The following SLC22A16 variants were observed in gnomAD, a reference collection of about 807,000 sequenced individuals.
SLC22A16 encodes the protein WUGSC:RG331P03.1.
Under a neutral mutation model 52.9 loss-of-function variants are expected in SLC22A16, and 53 were observed. That is an observed-to-expected ratio of 1.00 (90% CI 0.80 to 1.26). The LOEUF (loss-of-function observed/expected upper bound fraction) is 1.26. Among genes scored for constraint, SLC22A16 ranks in the 50% most tolerant of loss-of-function variants. The pLI is 0.00. For synonymous variants in SLC22A16, 291 were observed against 268.8 expected (o/e 1.08, Z -0.81); for missense variants, 726 against 704.0 (o/e 1.03, Z -0.35).
At chr6:110,470,523 G>A (rs74891162) in intron 1 of SLC22A16, among the ~76,000 whole-genome samples, 2,747 of 152,110 alleles carry the variant, frequency 0.018, 86 homozygotes, top group African/African-American at 0.063. Context: ...CACCATTCAG[G>A]CGTCCAGTCT....
intron 2 of SLC22A16, among the ~76,000 whole-genome samples, chr6:110,453,442 A>T (rs1775460203): frequency 6.6e-6 from 1 of 152,186 alleles, no homozygotes; most frequent in Non-Finnish European, 1.5e-5. Flanking sequence ...TTTTACTCTA[A>T]GTTAATATGT....
At chr6:110,462,249 C>T (rs987112328) in intron 1 of SLC22A16, among the ~76,000 whole-genome samples, 2 of 152,178 alleles carry the variant, frequency 1.3e-5, no homozygotes, top group African/African-American at 4.8e-5. Context: ...CTATATCAAG[C>T]TCCTTCAGAT....
chr6:110,434,367 G>A (rs181541637), intron 6 of SLC22A16, among the ~76,000 whole-genome samples: 4 of 152,260 alleles, frequency 2.6e-5, no homozygotes, highest in Admixed American at 2.6e-4. Flanking sequence ...ATCTGGACAT[G>A]AGGGCTGCAA....
chr6:110,440,869 TC>T (rs1774938002), intron 4 of SLC22A16, among the ~76,000 whole-genome samples: 1 of 152,240 alleles, frequency 6.6e-6, no homozygotes, highest in Non-Finnish European at 1.5e-5. Context: ...TGTACTAACT[TC>T]TTAGAACGTG....
rs1232694514 is a variant in SLC22A16, at chr6:110,465,784, T to C, written c.54-8767A>G. Among the ~76,000 whole-genome samples the C allele has an allele frequency of 2.6e-5, 4 of 152,120 alleles. No individual in the cohort carries two copies. In the East Asian group the frequency reaches 7.7e-4, roughly 29 times the overall value. On this transcript the variant is annotated intron_variant, in intron 1 of 7. Transcript: ENST00000368919. ...TATTTTTCACAGAATTAGAAAAAACTATTCTAAAATTCACATGGAACCACA... is the reference window on the plus strand; with the variant it reads ...TATTTTTCACAGAATTAGAAAAAACCATTCTAAAATTCACATGGAACCACA...
chr6:110,431,054 A>C, intron 7 of SLC22A16, 117 bp downstream of exon 7: 1 of 853,226 alleles, frequency 1.2e-6, no homozygotes, highest in Non-Finnish European at 1.9e-6. Context: ...TGTTTCTACA[A>C]ACCCCATTAG....
chr6:110,447,049 T>A, intron 2 of SLC22A16, 59 bp from the exon 3 acceptor site: 4 of 1,328,156 alleles, frequency 3.0e-6, no homozygotes, highest in Non-Finnish European at 3.2e-6. Context: ...AGTTTAAACA[T>A]CCACTCCAAT....
chr6:110,474,833 A>T (rs781725192), intron 1 of SLC22A16: 1 of 477,084 alleles, frequency 2.1e-6, no homozygotes, highest in Non-Finnish European at 4.2e-6. Context: ...CATTTGAGGA[A>T]TCTGTTTGAT....
intron 1 of SLC22A16, among the ~76,000 whole-genome samples, chr6:110,468,979 G>C (rs931333216): frequency 6.6e-6 from 1 of 152,188 alleles, no homozygotes; most frequent in Admixed American, 6.5e-5. Context: ...TTGGGAAGCA[G>C]GCTTGTCCAT....
At chr6:110,443,717 A>T (rs964828423) in intron 3 of SLC22A16, among the ~76,000 whole-genome samples, 1 of 152,198 alleles carries the variant, frequency 6.6e-6, no homozygotes, top group Middle Eastern at 3.2e-3. Context: ...TCTGGAAGAG[A>T]TGTTTGCACA....
intron 1 of SLC22A16, among the ~76,000 whole-genome samples, chr6:110,461,333 G>T (rs149927681): frequency 2.6e-5 from 4 of 152,174 alleles, no homozygotes; most frequent in Non-Finnish European, 5.9e-5. Flanking sequence ...AGAACTGAGG[G>T]TTATGAGTGC....
chr6:110,465,061 C>T (rs926273759), intron 1 of SLC22A16, among the ~76,000 whole-genome samples: 3 of 150,840 alleles, frequency 2.0e-5, no homozygotes, highest in East Asian at 1.9e-4. Context: ...TCAATAGATG[C>T]TGAAAAAGCA....
In SLC22A16 at chr6:110,438,804, C is replaced by T; in HGVS notation, c.1227G>A (p.Met409Ile). 1.9e-6 allele frequency: 3 copies of T among 1,614,094 alleles called. No individual in the cohort carries two copies. The highest frequency in any genetic ancestry group is 1.7e-6 in the Non-Finnish European group (2 of 1,180,002). ...IPAYTFVCIA[M>I]DKVGRRTVLA... Reference sequence around the variant, plus strand: ...GGACTGTTCTCCTCCCGACCTTGTCCATGGCGATGCACACGAAGGTGTAGG... The same window carrying T: ...GGACTGTTCTCCTCCCGACCTTGTCTATGGCGATGCACACGAAGGTGTAGG... Residue 409 changes from methionine (M) to isoleucine (I), a missense_variant, in exon 5 of 8, where the codon ATG (methionine) becomes ATA (isoleucine). Transcript: ENST00000368919.
At chr6:110,444,332 T>C (rs1775086532) in intron 3 of SLC22A16, among the ~76,000 whole-genome samples, 3 of 152,238 alleles carry the variant, frequency 2.0e-5, no homozygotes, top group Admixed American at 2.0e-4. Flanking sequence ...ATTTGACTTC[T>C]ACAACACAAA....
At chr6:110,451,712 C>A (rs561485357) in intron 2 of SLC22A16, among the ~76,000 whole-genome samples, 90 of 152,278 alleles carry the variant, frequency 5.9e-4, no homozygotes, top group African/African-American at 2.0e-3. Context: ...TGTGTGCACA[C>A]ATTCATGTCT....
intron 1 of SLC22A16, among the ~76,000 whole-genome samples, chr6:110,465,603 A>T (rs1562299734): frequency 6.6e-6 from 1 of 152,208 alleles, no homozygotes; most frequent in Non-Finnish European, 1.5e-5. Context: ...AGACCTCTAC[A>T]AGGAGAACTA....
At position 110,458,238 on chromosome 6, in the gene SLC22A16, T is replaced by C. The variant is rs560434016; in HGVS notation, c.54-1221A>G. On this transcript the variant is annotated intron_variant, in intron 1 of 7. Transcript: ENST00000368919. ...GTGACCCACGTGACCTTACCTATCA[T>C]TGGAGATGGCTCACACTCTTTACCC... 2.6e-5 allele frequency among the ~76,000 whole-genome samples: 4 copies of C among 152,234 alleles called. No individual in the cohort carries two copies. The South Asian group carries it at 6.2e-4, about 24-fold the overall frequency.
rs371966308 is a variant in SLC22A16, at chr6:110,442,325, T to C, written c.1102A>G (p.Thr368Ala). Reference sequence around the variant, plus strand: ...AACGAGTAGAATCCCAAACTTCCAGTGAACCAGATTAGCCAAACGGTAAGT... The same window carrying C: ...AACGAGTAGAATCCCAAACTTCCAGCGAACCAGATTAGCCAAACGGTAAGT... ...RTLTVWLIWF[T>A]GSLGFYSFSL... The change falls in exon 4 of 8, where the codon ACT (threonine) becomes GCT (alanine). Residue 368 changes from threonine to alanine, a missense_variant. Coordinates refer to ENST00000368919, the MANE Select transcript of SLC22A16 (RefSeq NM_033125.4). 6.2e-7 allele frequency: 1 copy of C among 1,614,094 alleles called. No homozygotes were observed. Among genetic ancestry groups the C allele is most frequent in the Non-Finnish European group, 8.5e-7 (1 of 1,180,044 alleles).
intron 1 of SLC22A16, among the ~76,000 whole-genome samples, chr6:110,462,427 A>G (rs1775916751): frequency 6.6e-6 from 1 of 152,202 alleles, no homozygotes; most frequent in Non-Finnish European, 1.5e-5. Flanking sequence ...GAGATGCAAA[A>G]GAAAGCTGAA....
Sources: gnomAD v4.1 joint callset for allele counts (sites outside exome capture counted in the v4.1 genomes callset) on GRCh38, gnomAD v4.1.1 for gene constraint, MANE v1.5 for transcripts, NCBI Gene and HGNC (gene_info 2026-07-23, HGNC 2026-07-21) for gene names.